Variants in PIP5K1C observed in about 807,000 individuals in gnomAD.
The protein encoded by PIP5K1C is phosphatidylinositol-4-phosphate 5-kinase type 1 gamma.
A neutral mutation model predicts 80.1 loss-of-function variants in PIP5K1C; 45 were observed. The ratio of observed to expected loss-of-function variants is 0.56; its 90% CI spans 0.44 to 0.72. The LOEUF (loss-of-function observed/expected upper bound fraction) is 0.72. Among genes scored for constraint, PIP5K1C ranks in the 30% least tolerant of loss-of-function variants. The probability of loss-of-function intolerance (pLI) is 0.00; values close to 1 mark genes in which losing one functional copy is unlikely to be tolerated. For synonymous variants in PIP5K1C, 498 were observed against 420.1 expected, an observed-to-expected ratio of 1.19 and a Z score of -2.27; for missense variants, 753 against 954.6, an observed-to-expected ratio of 0.79 and a Z score of 2.78.
At chr19:3,634,975 C>T (rs927322680) in intron 16 of PIP5K1C, among the ~76,000 whole-genome samples, 1 of 152,372 alleles carries the variant, frequency 6.6e-6, no homozygotes, top group Admixed American at 6.5e-5. Flanking sequence ...GAATCCCTGA[C>T]GTGGGAATGG....
At chr19:3,676,013 C>A (rs902307539) in intron 1 of PIP5K1C, among the ~76,000 whole-genome samples, 3 of 152,230 alleles carry the variant, frequency 2.0e-5, no homozygotes, top group African/African-American at 7.2e-5. Flanking sequence ...GCCGACCAAG[C>A]TCTCCCCACA....
rs1024300632 is a variant in PIP5K1C at position 3,648,466 on chromosome 19, C to T, written c.1211+159G>A. Reference sequence around the variant, plus strand: ...GCAAGCGCCTCTGTGCATGGGTGTCCTGGGGGCGCCCATCCACCTGTGGGA... The same window carrying T: ...GCAAGCGCCTCTGTGCATGGGTGTCTTGGGGGCGCCCATCCACCTGTGGGA... On this transcript the variant is annotated intron_variant, in intron 9 of 17. Coordinates refer to ENST00000335312, the MANE Select transcript of PIP5K1C (RefSeq NM_012398.3). This position sits in a 1 kb window ranked among gnomAD's most constrained non-coding sequence, Gnocchi z 4.3. Among the ~76,000 whole-genome samples, 1 of 152,116 alleles carries T rather than the reference C, an allele frequency of 6.6e-6. No individual in the cohort carries two copies. Among genetic ancestry groups the T allele is most frequent in the Non-Finnish European group, 1.5e-5 (1 of 67,988 alleles).
chr19:3,633,483 T>C lies in PIP5K1C; in HGVS notation c.1958A>G (p.His653Arg). The C allele has an allele frequency of 2.0e-6, 3 of 1,510,202 alleles. No homozygotes were observed. Among genetic ancestry groups the C allele is most frequent in the Non-Finnish European group, 2.7e-6 (3 of 1,125,984 alleles). The allele number at this position is 1,510,202 out of a possible 1,614,324, so 93.6% of individuals were successfully genotyped here. ...GGCCGGGGGGGCCTGGGCGCTATAGTGGAGCGGGGAGTACACCCAGCTCCT... is the reference window on the plus strand; with the variant it reads ...GGCCGGGGGGGCCTGGGCGCTATAGCGGAGCGGGGAGTACACCCAGCTCCT... ...DERSWVYSPL[H>R]YSAQAPPASD... Residue 653 changes from histidine to arginine, a missense_variant, in exon 17 of 18, where the codon CAC becomes CGC. Around this residue, in one of 6 missense-constraint regions of PIP5K1C, gnomAD observed 315 missense variants for 294.5 expected, o/e 1.07. Coordinates refer to ENST00000335312, the MANE Select transcript of PIP5K1C (RefSeq NM_012398.3).
intron 1 of PIP5K1C, among the ~76,000 whole-genome samples, chr19:3,685,416 G>T (rs1315183216): frequency 1.3e-5 from 2 of 152,146 alleles, no homozygotes; most frequent in Admixed American, 1.3e-4. Context: ...CAGTCCAGGG[G>T]CCGAACACAG....
At chr19:3,677,310 C>T (rs1022984794) in intron 1 of PIP5K1C, among the ~76,000 whole-genome samples, 4 of 151,732 alleles carry the variant, frequency 2.6e-5, no homozygotes, top group Admixed American at 1.3e-4. Context: ...CCAGGCTTTA[C>T]GGTGGCTCAC....
At chr19:3,667,618 G>A (rs936088376) in intron 1 of PIP5K1C, among the ~76,000 whole-genome samples, 1 of 152,260 alleles carries the variant, frequency 6.6e-6, no homozygotes, top group African/African-American at 2.4e-5. Flanking sequence ...GCAGCCTCAG[G>A]GAGATGGGCA....
intron 9 of PIP5K1C, 138 bp from the exon 10 acceptor site, chr19:3,647,524 C>T (rs912869463): frequency 3.1e-5 from 24 of 768,838 alleles, no homozygotes; most frequent in Admixed American, 1.0e-4. Context: ...CTCAGGGTGG[C>T]AGGTGCTCCT....
intron 1 of PIP5K1C, among the ~76,000 whole-genome samples, chr19:3,670,659 G>A (rs934393880): frequency 6.6e-6 from 1 of 152,344 alleles, no homozygotes; most frequent in Non-Finnish European, 1.5e-5. Flanking sequence ...CCTCCAGTGA[G>A]GACCCCAGCC....
At chr19:3,667,474 G>A in intron 1 of PIP5K1C, 121 bp from the exon 2 acceptor site, 2 of 1,055,580 alleles carry the variant, frequency 1.9e-6, no homozygotes, top group Non-Finnish European at 2.9e-6. Context: ...GCGTGGGGCT[G>A]GTCTCAAGGC....
At chr19:3,644,348 GC>G in intron 11 of PIP5K1C, 97 bp from the exon 12 acceptor site, 1 of 1,249,266 alleles carries the variant, frequency 8.0e-7, no homozygotes, top group Non-Finnish European at 1.1e-6. Context: ...CGTCCCTGTG[GC>G]CCACCAGACC....
At chr19:3,654,926 G>A (rs758506625) in intron 6 of PIP5K1C, among the ~76,000 whole-genome samples, 4 of 151,900 alleles carry the variant, frequency 2.6e-5, no homozygotes, top group South Asian at 2.1e-4. Context: ...TGACCAACAC[G>A]GTGAAACCCC....
At chr19:3,672,502 G>C (rs1004412364) in intron 1 of PIP5K1C, 2 of 152,410 alleles carry the variant, frequency 1.3e-5, no homozygotes, top group Non-Finnish European at 2.9e-5. Context: ...CTGCACAACA[G>C]GCCTCCGCCA....
chr19:3,656,467 T>C lies in PIP5K1C; in HGVS notation c.559A>G (p.Ile187Val). 6.2e-7 allele frequency: 1 copy of C among 1,613,746 alleles called. No homozygotes were observed. The highest frequency in any genetic ancestry group is 2.2e-5 in the East Asian group (1 of 44,880). The change falls in exon 6 of 18, where the codon ATC becomes GTC. Residue 187 changes from isoleucine to valine, a missense_variant. Ile to Val is a conservative substitution (Grantham distance 29, BLOSUM62 3). Around this residue, in one of 6 missense-constraint regions of PIP5K1C, gnomAD observed 139 missense variants for 289.7 expected, o/e 0.48. Transcript: ENST00000335312. Reference sequence around the variant, plus strand: ...GCCTCCTTGTGCATGACGGTCTTGATGATGAACTCGTCGTCGCTGGTGACG... The same window carrying C: ...GCCTCCTTGTGCATGACGGTCTTGACGATGAACTCGTCGTCGCTGGTGACG... Reference protein sequence around the residue: ...FYVTSDDEFIIKTVMHKEAEF... With the variant: ...FYVTSDDEFIVKTVMHKEAEF...
chr19:3,660,586 C>T (rs192924658), intron 5 of PIP5K1C, among the ~76,000 whole-genome samples: 13 of 152,304 alleles, frequency 8.5e-5, no homozygotes, highest in Admixed American at 7.2e-4. Context: ...GTGGCACCCA[C>T]GTCCCAGTGC....
chr19:3,700,239 G>T, intron 1 of PIP5K1C, 58 bp downstream of exon 1: 2 of 998,194 alleles, frequency 2.0e-6, no homozygotes, highest in South Asian at 8.3e-5. Flanking sequence ...GCAGCCCCGC[G>T]ACTCTCGGCG....
chr19:3,685,958 C>G (rs1280254424), intron 1 of PIP5K1C, among the ~76,000 whole-genome samples: 1 of 151,830 alleles, frequency 6.6e-6, no homozygotes, highest in Non-Finnish European at 1.5e-5. Flanking sequence ...AACTCCTGGG[C>G]TCAAGCGACC....
chr19:3,691,151 G>C (rs1253003098), intron 1 of PIP5K1C, among the ~76,000 whole-genome samples: 1 of 152,236 alleles, frequency 6.6e-6, no homozygotes, highest in Non-Finnish European at 1.5e-5. Flanking sequence ...TTTTCTCTGA[G>C]TCACAAGAAG....
chr19:3,660,542 A>G (rs914517123), intron 5 of PIP5K1C, among the ~76,000 whole-genome samples: 1 of 152,220 alleles, frequency 6.6e-6, no homozygotes, highest in African/African-American at 2.4e-5. Flanking sequence ...AGCCATGGCT[A>G]GAGCTAGGAG....
In PIP5K1C at chr19:3,696,301, G is replaced by A. The variant is rs2036099248; in HGVS notation, c.94+3996C>T. Among the ~76,000 whole-genome samples, 1 of 152,224 alleles carries A rather than the reference G, an allele frequency of 6.6e-6. No homozygotes were observed. Among genetic ancestry groups the A allele is most frequent in the South Asian group, 2.1e-4 (1 of 4,834 alleles). On this transcript the variant is annotated intron_variant, in intron 1 of 17. Transcript: ENST00000335312. This position sits in a 1 kb window ranked among gnomAD's most constrained non-coding sequence, Gnocchi z 4.1. ...CCTGATGTTCACCAGGATCTGCACT[G>A]TGCTGAGCTCTTCCGGGCGCAGGGG...
Sources: allele counts gnomAD v4.1 joint callset (sites outside exome capture counted in the v4.1 genomes callset), GRCh38; gene constraint gnomAD v4.1.1; regional missense constraint gnomAD v4.1.1; non-coding constraint Gnocchi (gnomAD v3.1); transcripts MANE v1.5; gene names NCBI Gene and HGNC (gene_info 2026-07-23, HGNC 2026-07-21).